Variants in NFIB observed in about 807,000 individuals in gnomAD.
NFIB encodes the protein nuclear factor I B, also known as nuclear factor 1 B-type.
Under a neutral mutation model 61.5 loss-of-function variants are expected in NFIB, and 11 were observed. That is an observed-to-expected ratio of 0.18 (90% CI 0.11 to 0.30). The LOEUF is 0.30. Among genes scored for constraint, NFIB ranks in the 10% least tolerant of loss-of-function variants. The pLI is 1.00. For missense variants in NFIB, 471 were observed against 608.9 expected (o/e 0.77, Z 2.38); for synonymous variants, 260 against 216.5 (o/e 1.20, Z -1.76).
intron 2 of NFIB, among the ~76,000 whole-genome samples, chr9:14,294,585 T>A (rs1291895201): frequency 1.3e-5 from 2 of 152,202 alleles, no homozygotes; most frequent in African/African-American, 4.8e-5. Context: ...ACCAGTGTGT[T>A]ATCAAAAAGA....
chr9:14,443,025 ACCC>A, the NFIB span, among the ~76,000 whole-genome samples: 1 of 116,524 alleles, frequency 8.6e-6, no homozygotes, highest in Non-Finnish European at 1.8e-5. Flanking sequence ...ATCTAACCCA[ACCC>A]CCCACCCGCC....
chr9:14,202,329 G>C (rs991788046), intron 2 of NFIB, among the ~76,000 whole-genome samples: 1 of 152,182 alleles, frequency 6.6e-6, no homozygotes, highest in Non-Finnish European at 1.5e-5. Flanking sequence ...GAAATAATGA[G>C]ACTATAAAAT....
the NFIB span, among the ~76,000 whole-genome samples, chr9:14,465,610 C>A: frequency 6.6e-6 from 1 of 151,374 alleles, no homozygotes; most frequent in African/African-American, 2.4e-5. Context: ...CACACACACG[C>A]CCTACCCCCT....
intron 2 of NFIB, among the ~76,000 whole-genome samples, chr9:14,294,963 G>A (rs892780262): frequency 2.0e-5 from 3 of 152,138 alleles, no homozygotes; most frequent in African/African-American, 7.2e-5. Flanking sequence ...GACCTCCATG[G>A]ACACAACCAA....
chr9:14,098,946 C>T (rs2035304301), intron 10 of NFIB, among the ~76,000 whole-genome samples: 1 of 152,158 alleles, frequency 6.6e-6, no homozygotes, highest in Non-Finnish European at 1.5e-5. Context: ...ATGCTTAAGC[C>T]TTGGGGTTGC....
At chr9:14,421,379 G>C in the NFIB span, among the ~76,000 whole-genome samples, 1 of 152,134 alleles carries the variant, frequency 6.6e-6, no homozygotes, top group Non-Finnish European at 1.5e-5. Context: ...AGTCTGAGGA[G>C]GGCTAAAAGC....
intron 6 of NFIB, among the ~76,000 whole-genome samples, chr9:14,128,953 T>G (rs1003635575): frequency 2.0e-5 from 3 of 152,196 alleles, no homozygotes; most frequent in African/African-American, 7.2e-5. Context: ...AAGCAAAGCA[T>G]TTGTATTTTC....
the NFIB span, among the ~76,000 whole-genome samples, chr9:14,450,460 C>A: frequency 6.6e-6 from 1 of 152,172 alleles, no homozygotes; most frequent in Non-Finnish European, 1.5e-5. Context: ...AGTCTATTAT[C>A]CTGTCTTCAT....
intron 1 of NFIB, among the ~76,000 whole-genome samples, chr9:14,365,554 A>G (rs1257667746): frequency 2.6e-5 from 4 of 152,324 alleles, no homozygotes; most frequent in Non-Finnish European, 4.4e-5. Flanking sequence ...CAGTTGTAAA[A>G]TCTTAGAAAT....
rs761303674 is a variant in NFIB at position 14,196,075 on chromosome 9, AT to A, written c.563-16296del. 9.2e-4 allele frequency among the ~76,000 whole-genome samples: 138 copies of A among 150,420 alleles called. 1 individual carries two copies. Among genetic ancestry groups the A allele is most frequent in the African/African-American group, 3.2e-3 (132 of 40,956 alleles). ...TGCTAATGGTGCTCCTAAATGAAGGATTTTTTTTTTCTATGTTCACGCTGGT... is the reference window on the plus strand; with the variant it reads ...TGCTAATGGTGCTCCTAAATGAAGGATTTTTTTTTCTATGTTCACGCTGGT... On this transcript the variant is annotated intron_variant, in intron 2 of 10. Transcript: ENST00000380953.
At chr9:14,198,194 A>G (rs1431440048) in intron 2 of NFIB, among the ~76,000 whole-genome samples, 3 of 152,160 alleles carry the variant, frequency 2.0e-5, no homozygotes, top group Non-Finnish European at 4.4e-5. Context: ...TTTCCCTTCC[A>G]TAACAGAAAT....
At chr9:14,346,036 C>T in intron 1 of NFIB, among the ~76,000 whole-genome samples, 1 of 152,188 alleles carries the variant, frequency 6.6e-6, no homozygotes, top group Non-Finnish European at 1.5e-5. Flanking sequence ...GGAGGCCTCG[C>T]CTGTGGGCTG....
the NFIB span, among the ~76,000 whole-genome samples, chr9:14,434,898 C>G: frequency 1.2e-4 from 18 of 152,182 alleles, no homozygotes; most frequent in African/African-American, 4.3e-4. Context: ...ACAGCTGGAG[C>G]TAGCTGGCAC....
rs1554644519 is a variant in NFIB, at chr9:14,134,913, A to AGAAAAAAAAAG, written c.926-9148_926-9147insCTTTTTTTTTC. Reference sequence around the variant, plus strand: ...ACTCTGTCTCAAAAAAAAAAAAAAAAAAAAAAAGGAAATTGAAGGATATGG... The same window carrying AGAAAAAAAAAG: ...ACTCTGTCTCAAAAAAAAAAAAAAAAGAAAAAAAAAGAAAAAAAGGAAATTGAAGGATATGG... On this transcript the variant is annotated intron_variant, in intron 6 of 10. Coordinates refer to ENST00000380953, the MANE Select transcript of NFIB (RefSeq NM_001190737.2). 3.7e-3 allele frequency among the ~76,000 whole-genome samples: 489 copies of AGAAAAAAAAAG among 133,366 alleles called. 10 individuals carry two copies. The highest frequency in any genetic ancestry group is 5.5e-3 in the Non-Finnish European group (338 of 61,276). The allele number at this position is 133,366 out of a possible 152,430, so 87.5% of individuals were successfully genotyped here. A position where few individuals can be genotyped will look rare whatever the true frequency, so the allele number is the denominator to read the frequency against.
chr9:14,211,907 T>A lies in NFIB; in HGVS notation c.563-32127A>T, dbSNP rs545473672. ...TAGAAAGAATAGACATTTAAAAGAT[T>A]AAAGCGTTTAAAGAATGATCTCTCC... is the stretch of plus-strand genomic sequence containing the variant. On this transcript the variant is annotated intron_variant, in intron 2 of 10. Transcript: ENST00000380953. Among the ~76,000 whole-genome samples, 32 of 152,316 alleles carry A rather than the reference T, an allele frequency of 2.1e-4. No homozygotes were observed. The East Asian group carries it at 6.2e-3, about 29-fold the overall frequency.
chr9:14,447,400 T>C, the NFIB span, among the ~76,000 whole-genome samples: 1 of 152,148 alleles, frequency 6.6e-6, no homozygotes, highest in African/African-American at 2.4e-5. Context: ...GATGTGTTCT[T>C]TAGAGAGGAT....
chr9:14,347,904 G>A (rs1251581675), intron 1 of NFIB, among the ~76,000 whole-genome samples: 1 of 152,158 alleles, frequency 6.6e-6, no homozygotes, highest in East Asian at 1.9e-4. Flanking sequence ...CGCGCGCCAG[G>A]GAGCTTTGGA....
At chr9:14,226,733 G>A (rs2052472800) in intron 2 of NFIB, among the ~76,000 whole-genome samples, 1 of 152,066 alleles carries the variant, frequency 6.6e-6, no homozygotes, top group Non-Finnish European at 1.5e-5. Context: ...TAGTTATTCT[G>A]GTAATTCTGT....
chr9:14,307,090 G>C lies in NFIB; in HGVS notation c.461C>G (p.Ser154Cys). The change falls in exon 2 of 11, where the codon TCC becomes TGC. Residue 154 changes from serine to cysteine, a missense_variant. By Grantham distance (112) the Ser-to-Cys change is moderately radical. Coordinates refer to ENST00000380953, the MANE Select transcript of NFIB (RefSeq NM_001190737.2). This position sits in a 1 kb window ranked among gnomAD's most constrained non-coding sequence, Gnocchi z 5.3. ...ESTDGERLMK[S>C]PHCTNPALCV... Reference sequence around the variant, plus strand: ...AAGTGCTGGGTTTGTGCAATGTGGGGATTTCATGAGCCGCTCTCCATCGGT... The same window carrying C: ...AAGTGCTGGGTTTGTGCAATGTGGGCATTTCATGAGCCGCTCTCCATCGGT... 6.2e-7 allele frequency: 1 copy of C among 1,614,144 alleles called. No individual in the cohort carries two copies. The highest frequency in any genetic ancestry group is 8.5e-7 in the Non-Finnish European group (1 of 1,180,018).
Sources: gnomAD v4.1 joint callset for allele counts (sites outside exome capture counted in the v4.1 genomes callset) on GRCh38, gnomAD v4.1.1 for gene constraint, Gnocchi (gnomAD v3.1) non-coding constraint, MANE v1.5 for transcripts, NCBI Gene and HGNC (gene_info 2026-07-23, HGNC 2026-07-21) for gene names.